ADSL: variants seen among roughly 807,000 people sequenced by gnomAD.
The protein encoded by ADSL is adenylosuccinate lyase.
ADSL carries 44 observed loss-of-function variants against 62.1 expected under a neutral mutation model. The observed-to-expected ratio is 0.71, with a 90% CI of 0.56 to 0.91. The LOEUF (loss-of-function observed/expected upper bound fraction) is 0.91. Among genes scored for constraint, ADSL ranks in the 40% least tolerant of loss-of-function variants. The pLI is 0.00. For missense variants in ADSL, 531 were observed against 627.4 expected, an observed-to-expected ratio of 0.85 and a Z score of 1.64; for synonymous variants, 198 against 220.5, an observed-to-expected ratio of 0.90 and a Z score of 0.90.
chr22:40,382,510 A>G (rs1441388979), intron 2 of ADSL, among the ~76,000 whole-genome samples: 1 of 152,066 alleles, frequency 6.6e-6, no homozygotes, highest in Non-Finnish European at 1.5e-5. Flanking sequence ...TACCTTACCT[A>G]CCTCACAGCA....
Position 40,354,343 on chromosome 22 carries a change from A to T in ADSL, c.482+16A>T, listed in dbSNP as rs921958536. On this transcript the variant is annotated intron_variant, in intron 4 of 12. Transcript: ENST00000623063. The stretch of plus-strand genomic sequence containing the variant: ...CACATTTCCAGTAAGTGATAAGATT[A>T]CTTCTTGTTTATGTGCATATGGCTT... The T allele has an allele frequency of 6.2e-7, 1 of 1,605,450 alleles. No homozygotes were observed. Among genetic ancestry groups the T allele is most frequent in the African/African-American group, 1.3e-5 (1 of 74,856 alleles).
Position 40,366,533 on chromosome 22 carries a change from G to T in ADSL, c.*11G>T, listed in dbSNP as rs545532639. 2 of 1,582,514 alleles carry T rather than the reference G, an allele frequency of 1.3e-6. No individual in the cohort carries two copies. Among genetic ancestry groups the T allele is most frequent in the African/African-American group, 1.3e-5 (1 of 74,308 alleles). On this transcript the variant is annotated 3_prime_UTR_variant, in exon 13 of 13. Coordinates refer to ENST00000623063, the MANE Select transcript of ADSL (RefSeq NM_000026.4). ...GAATTATGTCTGTAGAGTTGGAAGAGAATTAAACGAAAATCATTGTTAATT... is the reference window on the plus strand; with the variant it reads ...GAATTATGTCTGTAGAGTTGGAAGATAATTAAACGAAAATCATTGTTAATT...
intron 7 of ADSL, 46 bp downstream of exon 7, chr22:40,360,538 CACAG>C (rs775918466): frequency 4.3e-5 from 58 of 1,338,166 alleles, no homozygotes; most frequent in Non-Finnish European, 6.1e-5. Context: ...CTTTGGGCAC[CACAG>C]ACAGACTGAA....
intron 4 of ADSL, among the ~76,000 whole-genome samples, chr22:40,354,863 C>T (rs772896222): frequency 1.4e-5 from 2 of 145,136 alleles, no homozygotes; most frequent in African/African-American, 2.6e-5. Flanking sequence ...AGCAAGACTC[C>T]GTCTCAAAAA....
chr22:40,352,691 A>G (rs996946225), intron 2 of ADSL, among the ~76,000 whole-genome samples: 2 of 152,170 alleles, frequency 1.3e-5, no homozygotes, highest in Non-Finnish European at 2.9e-5. Flanking sequence ...TTGGAGAGAC[A>G]GTCTTGCTGT....
downstream of ADSL, among the ~76,000 whole-genome samples, chr22:40,372,346 C>T (rs938483043): frequency 1.3e-5 from 2 of 151,550 alleles, no homozygotes; most frequent in African/African-American, 2.4e-5. Context: ...CAGATGGTCT[C>T]GATCTCCTGA....
chr22:40,369,971 A>G (rs895395538), downstream of ADSL, among the ~76,000 whole-genome samples: 3 of 152,290 alleles, frequency 2.0e-5, no homozygotes, highest in South Asian at 2.1e-4. Context: ...AGGTGATATG[A>G]AGCCTAGGTG....
intron 2 of ADSL, 98 bp downstream of exon 2, chr22:40,350,133 CTT>C (rs373063501): frequency 8.7e-3 from 7,493 of 859,654 alleles, no homozygotes; most frequent in Middle Eastern, 0.014. Flanking sequence ...CACTATAGAT[CTT>C]TTTTTTTTTT....
rs1260075310 is a variant in ADSL, at chr22:40,349,774, C to G, written c.154-58C>G. On this transcript the variant is annotated intron_variant, in intron 1 of 12. Coordinates refer to ENST00000623063, the MANE Select transcript of ADSL (RefSeq NM_000026.4). Reference sequence around the variant, plus strand: ...AATCAGTTTTTTTTCCTTGGTGTCACTTCATTCAAATAACTGTGACACTGA... The same window carrying G: ...AATCAGTTTTTTTTCCTTGGTGTCAGTTCATTCAAATAACTGTGACACTGA... 11 of 1,496,562 alleles carry G rather than the reference C, an allele frequency of 7.4e-6. No individual in the cohort carries two copies. In the Admixed American group the frequency reaches 1.9e-4, roughly 26 times the overall value. The allele number at this position is 1,496,562 out of a possible 1,614,324, so 92.7% of individuals were successfully genotyped here. A position where few individuals can be genotyped will look rare whatever the true frequency, so the allele number is the denominator to read the frequency against.
chr22:40,347,438 C>T (rs2146615958), intron 1 of ADSL: 1 of 152,234 alleles, frequency 6.6e-6, no homozygotes, highest in East Asian at 1.9e-4. Context: ...AGAAATAGCT[C>T]CAGAAGAGTT....
At chr22:40,383,791 G>A (rs1012454185) in intron 2 of ADSL, among the ~76,000 whole-genome samples, 1 of 152,222 alleles carries the variant, frequency 6.6e-6, no homozygotes, top group Non-Finnish European at 1.5e-5. Flanking sequence ...AACATAAACG[G>A]AATGATAATC....
intron 4 of ADSL, among the ~76,000 whole-genome samples, chr22:40,354,896 A>T (rs1031024886): frequency 1.2e-4 from 18 of 152,010 alleles, no homozygotes; most frequent in Admixed American, 3.3e-4. Context: ...AAAAAATCTA[A>T]ATGTTCAATA....
At chr22:40,366,124 A>G (rs1457393566) in intron 12 of ADSL, among the ~76,000 whole-genome samples, 1 of 152,036 alleles carries the variant, frequency 6.6e-6, no homozygotes, top group Admixed American at 6.6e-5. Context: ...CTTGGTGGCT[A>G]CTTGAAGAGG....
chr22:40,382,565 A>G (rs2047742403), intron 2 of ADSL, among the ~76,000 whole-genome samples: 1 of 152,312 alleles, frequency 6.6e-6, no homozygotes, highest in African/African-American at 2.4e-5. Context: ...GAACAAGGTG[A>G]AAATGCATGA....
intron 5 of ADSL, 33 bp from the exon 6 acceptor site, chr22:40,359,227 G>A (rs779732422): frequency 1.9e-6 from 3 of 1,611,990 alleles, no homozygotes; most frequent in Non-Finnish European, 2.5e-6. Flanking sequence ...TGGACACATG[G>A]ATTATTATAA....
chr22:40,385,474 T>C (rs1035899163), intron 2 of ADSL, among the ~76,000 whole-genome samples: 9 of 152,054 alleles, frequency 5.9e-5, no homozygotes. Flanking sequence ...AGGAAATGGG[T>C]TGAAAGGTTC....
chr22:40,366,367 A>T, intron 12 of ADSL, 69 bp from the exon 13 acceptor site: 1 of 1,169,848 alleles, frequency 8.5e-7, no homozygotes, highest in East Asian at 2.4e-5. Context: ...ATCCCCTGAC[A>T]TTGGAAAAGG....
At chr22:40,353,146 A>C (rs750076517) in intron 3 of ADSL, 29 bp downstream of exon 3, 3 of 1,593,826 alleles carry the variant, frequency 1.9e-6, no homozygotes, top group African/African-American at 2.7e-5. Flanking sequence ...TTTCCTACCA[A>C]CCCTAGATTC....
rs758895348 is a variant in ADSL at position 40,363,058 on chromosome 22, T to C, written c.1088T>C (p.Val363Ala). ...CTGCAGAACATTTCTGAAGGATTGG[T>C]CGTGTACCCCAAAGTAAGAAGCCTC... ...NTLQNISEGL[V>A]VYPKVIERRI... is the part of the protein sequence containing the mutation. Residue 363 changes from valine (V) to alanine (A), a missense_variant, in exon 10 of 13, where the codon GTC becomes GCC. Physicochemically the swap from Val to Ala is moderately conservative, Grantham distance 64 (BLOSUM62 0). Transcript: ENST00000623063. The C allele has an allele frequency of 2.5e-6, 4 of 1,614,002 alleles. No individual in the cohort carries two copies. Among genetic ancestry groups the C allele is most frequent in the Non-Finnish European group, 3.4e-6 (4 of 1,179,934 alleles).
Sources: allele counts gnomAD v4.1 joint callset (sites outside exome capture counted in the v4.1 genomes callset), GRCh38; gene constraint gnomAD v4.1.1; transcripts MANE v1.5; gene names NCBI Gene and HGNC (gene_info 2026-07-23, HGNC 2026-07-21).